Variants in MTDH observed in about 807,000 individuals in gnomAD.
MTDH encodes metadherin, also known as protein LYRIC.
A neutral mutation model predicts 72.7 loss-of-function variants in MTDH; 34 were observed. The observed-to-expected ratio is 0.47, with a 90% CI of 0.36 to 0.62. The LOEUF (loss-of-function observed/expected upper bound fraction) is 0.62, where lower values mean the gene tolerates loss of function less well. Among genes scored for constraint, MTDH ranks in the 20% least tolerant of loss-of-function variants. The pLI, the probability that MTDH is intolerant of heterozygous loss-of-function variation, is 0.00. For missense variants in MTDH, 677 were observed against 699.4 expected (o/e 0.97, Z 0.36); for synonymous variants, 266 against 268.9 (o/e 0.99, Z 0.10).
chr8:97,644,963 G>A (rs867842931), intron 1 of MTDH, 76 bp downstream of exon 1: 4 of 1,439,858 alleles, frequency 2.8e-6, no homozygotes, highest in East Asian at 2.7e-5. Context: ...GGGAGGCCGC[G>A]CCCCAGCCGG....
In MTDH at chr8:97,719,125, A is replaced by C. The variant is rs755709378; in HGVS notation, c.1457A>C (p.Lys486Thr). ...TCTAAAACCCGTCCAAAACAGGAAA[A>C]AGCTTTTTCCTTGAAGACCATAAGC... is the stretch of plus-strand genomic sequence containing the variant. ...NTSKTRPKQE[K>T]AFSLKTISTS... The change falls in exon 10 of 12, where the codon AAA (lysine) becomes ACA (threonine). Residue 486 changes from lysine (K) to threonine (T), a missense_variant. Coordinates refer to ENST00000336273, the MANE Select transcript of MTDH (RefSeq NM_178812.4). The C allele has an allele frequency of 6.2e-7, 1 of 1,614,134 alleles. No individual in the cohort carries two copies. Among genetic ancestry groups the C allele is most frequent in the South Asian group, 1.1e-5 (1 of 91,074 alleles).
chr8:97,667,653 T>C (rs931024861), intron 2 of MTDH, among the ~76,000 whole-genome samples: 13 of 152,242 alleles, frequency 8.5e-5, no homozygotes, highest in Middle Eastern at 3.4e-3. Flanking sequence ...GCTGGTAGTA[T>C]TTGTTGCAAA....
intron 1 of MTDH, among the ~76,000 whole-genome samples, chr8:97,657,742 T>C (rs2130925890): frequency 6.6e-6 from 1 of 152,238 alleles, no homozygotes; most frequent in African/African-American, 2.4e-5. Flanking sequence ...TTCTGAGCTC[T>C]TGCTGATCCT....
intron 6 of MTDH, among the ~76,000 whole-genome samples, chr8:97,693,938 C>T (rs1813720695): frequency 6.6e-6 from 1 of 152,010 alleles, no homozygotes; most frequent in South Asian, 2.1e-4. Context: ...TGGTCTCAAA[C>T]TCTTGGGCTC....
At chr8:97,676,890 A>G (rs1004988799) in intron 2 of MTDH, among the ~76,000 whole-genome samples, 4 of 151,518 alleles carry the variant, frequency 2.6e-5, no homozygotes, top group African/African-American at 4.9e-5. Flanking sequence ...CCGTAGTCCC[A>G]GCTACTCAGG....
intron 9 of MTDH, among the ~76,000 whole-genome samples, chr8:97,717,330 T>C (rs1241922731): frequency 6.6e-6 from 1 of 152,236 alleles, no homozygotes; most frequent in Admixed American, 6.5e-5. Context: ...TAATATATTC[T>C]AGTTCATGTT....
intron 2 of MTDH, among the ~76,000 whole-genome samples, chr8:97,669,558 AACT>A (rs1449345593): frequency 6.6e-6 from 1 of 150,712 alleles, no homozygotes; most frequent in Admixed American, 6.7e-5. Context: ...GTCCCCCTGC[AACT>A]ACTAATTTCT....
chr8:97,694,888 A>T (rs1415415131), intron 6 of MTDH, among the ~76,000 whole-genome samples: 3 of 151,666 alleles, frequency 2.0e-5, no homozygotes, highest in African/African-American at 7.3e-5. Flanking sequence ...GAGCCACTGC[A>T]CTCCAGCCTT....
chr8:97,706,944 G>T (rs1814379232), intron 8 of MTDH, among the ~76,000 whole-genome samples, 194 bp downstream of exon 8: 1 of 152,050 alleles, frequency 6.6e-6, no homozygotes, highest in East Asian at 1.9e-4. Context: ...GCAACTGAAG[G>T]AGAATTCTGG....
Position 97,728,820 on chromosome 8 carries a change from G to A in MTDH, c.*4150G>A. 1 of 150,572 alleles carries A rather than the reference G, an allele frequency of 6.6e-6. No individual in the cohort carries two copies. The allele number at this position is 150,572 out of a possible 1,614,324, so 9.3% of individuals were successfully genotyped here. On this transcript the variant is annotated 3_prime_UTR_variant, in exon 12 of 12. Coordinates refer to ENST00000336273, the MANE Select transcript of MTDH (RefSeq NM_178812.4). ...TGTTTCTCTTTCATATTAAAGTTTG[G>A]GAAGGCAATCCAGAGCCCATATGAC... is the stretch of plus-strand genomic sequence containing the variant.
At chr8:97,645,590 C>A (rs1811535733) in intron 1 of MTDH, among the ~76,000 whole-genome samples, 1 of 151,994 alleles carries the variant, frequency 6.6e-6, no homozygotes, top group Admixed American at 6.6e-5. Context: ...CACTCTGTGG[C>A]GTGGTAGATT....
At chr8:97,696,321 CTAACAAAAACATTTGTTT>C in intron 6 of MTDH, 1 of 952,494 alleles carries the variant, frequency 1.0e-6, no homozygotes, top group Non-Finnish European at 1.3e-6. Context: ...TTTTGTTCAG[CTAACAAAAACATTTGTTT>C]AATTTTAGTG....
chr8:97,673,410 G>C (rs1812711024), intron 2 of MTDH, among the ~76,000 whole-genome samples: 1 of 152,138 alleles, frequency 6.6e-6, no homozygotes, highest in Non-Finnish European at 1.5e-5. Flanking sequence ...TGTAATCCCA[G>C]CACTTTGGGA....
chr8:97,723,248 AT>A (rs1815207188), intron 11 of MTDH, among the ~76,000 whole-genome samples: 1 of 151,100 alleles, frequency 6.6e-6, no homozygotes, highest in Non-Finnish European at 1.5e-5. Flanking sequence ...AATACAAAAA[AT>A]TAGCCAGGTG....
At chr8:97,666,127 C>CAA (rs1232775004) in intron 2 of MTDH, among the ~76,000 whole-genome samples, 64 of 68,118 alleles carry the variant, frequency 9.4e-4, no homozygotes, top group African/African-American at 2.7e-3. Flanking sequence ...GACTCCGTCT[C>CAA]AAAAAAAAAA....
In MTDH at chr8:97,644,829, A is replaced by G; in HGVS notation, c.323A>G (p.Asn108Ser). The change falls in exon 1 of 12, where the codon AAT becomes AGT. Residue 108 changes from asparagine to serine, a missense_variant. Transcript: ENST00000336273. ...AAPDDLALLKNLRSEEQKKKN... is the reference protein window; with the variant it reads ...AAPDDLALLKSLRSEEQKKKN... ...CCCGACGACCTGGCCTTGCTGAAGA[A>G]TCTCCGGAGCGAGGAACAGAAGAAG... 6.3e-7 allele frequency: 1 copy of G among 1,578,470 alleles called. No homozygotes were observed. Among genetic ancestry groups the G allele is most frequent in the Non-Finnish European group, 8.6e-7 (1 of 1,169,320 alleles).
intron 2 of MTDH, among the ~76,000 whole-genome samples, chr8:97,670,706 A>T (rs1345159262): frequency 2.6e-5 from 4 of 152,182 alleles, no homozygotes; most frequent in African/African-American, 9.6e-5. Flanking sequence ...ACAGTACCAC[A>T]GGCTGTACAG....
intron 2 of MTDH, among the ~76,000 whole-genome samples, chr8:97,682,228 CTTTATATATATATATATATATATA>C (rs1813111713): frequency 2.3e-5 from 1 of 44,028 alleles, no homozygotes; most frequent in Admixed American, 3.1e-4. Flanking sequence ...TTGTTAATTA[CTTTATATATATATATATATATATA>C]TATATATATA....
chr8:97,704,875 T>C (rs1180976797), intron 7 of MTDH, among the ~76,000 whole-genome samples: 1 of 152,154 alleles, frequency 6.6e-6, no homozygotes, highest in Non-Finnish European at 1.5e-5. Context: ...GAGTACTAAA[T>C]AAGAGTAATG....
Sources: gnomAD v4.1 joint callset for allele counts (sites outside exome capture counted in the v4.1 genomes callset) on GRCh38, gnomAD v4.1.1 for gene constraint, MANE v1.5 for transcripts, NCBI Gene and HGNC (gene_info 2026-07-23, HGNC 2026-07-21) for gene names.